SLC4A3: variants seen among roughly 807,000 people sequenced by gnomAD.
SLC4A3 encodes the protein anion exchange protein 3.
A neutral mutation model predicts 114.2 loss-of-function variants in SLC4A3; 47 were observed. The observed-to-expected ratio is 0.41, with a 90% CI of 0.33 to 0.52. The LOEUF (loss-of-function observed/expected upper bound fraction) is 0.52. Among genes scored for constraint, SLC4A3 ranks in the 20% least tolerant of loss-of-function variants. The pLI is 0.21. For synonymous variants in SLC4A3, 693 were observed against 710.3 expected, an observed-to-expected ratio of 0.98 and a Z score of 0.39; for missense variants, 1,312 against 1,668.3, an observed-to-expected ratio of 0.79 and a Z score of 3.72.
chr2:219,640,607 C>CG lies in SLC4A3; in HGVS notation c.3447+11dup. 1.9e-6 allele frequency: 3 copies of CG among 1,612,948 alleles called. No individual in the cohort carries two copies. Among genetic ancestry groups the CG allele is most frequent in the Non-Finnish European group, 1.7e-6 (2 of 1,179,332 alleles). On this transcript the variant is annotated intron_variant, in intron 21 of 22. Transcript: ENST00000358055. ...CAGCCCTATGTGACCAAGGTAGGGC[C>CG]GGGAAGCATGGGGGTAGGGCAGTGG... is the stretch of plus-strand genomic sequence containing the variant.
In SLC4A3 at chr2:219,629,159, C is replaced by T. The variant is rs1431754442; in HGVS notation, c.233C>T (p.Ser78Phe). ...ERDFEFHRHTSHHTHHPLSAR... is the reference protein window; with the variant it reads ...ERDFEFHRHTFHHTHHPLSAR... ...GCACCCCCAGTTCACCGGCACACATCCCACCACACCCACCACCCGCTCTCA... is the reference window on the plus strand; with the variant it reads ...GCACCCCCAGTTCACCGGCACACATTCCACCACACCCACCACCCGCTCTCA... Residue 78 changes from serine (S) to phenylalanine (F), a missense_variant, in exon 4 of 23, where the codon TCC becomes TTC. This residue lies in a region of SLC4A3 where 236 missense variants were observed against 212.1 expected (regional missense o/e 1.11). Coordinates refer to ENST00000358055, the MANE Select transcript of SLC4A3 (RefSeq NM_005070.4). The T allele has an allele frequency of 1.3e-6, 2 of 1,598,100 alleles. No individual in the cohort carries two copies. The highest frequency in any genetic ancestry group is 3.4e-5 in the Admixed American group (2 of 58,326).
chr2:219,628,677 CGGACACTGTGCT>C lies in SLC4A3; in HGVS notation c.217+112_217+123del. 8.7e-7 allele frequency: 1 copy of C among 1,153,034 alleles called. No homozygotes were observed. The highest frequency in any genetic ancestry group is 2.5e-5 in the East Asian group (1 of 39,694). The allele number at this position is 1,153,034 out of a possible 1,614,324, so 71.4% of individuals were successfully genotyped here. On this transcript the variant is annotated intron_variant, in intron 3 of 22. Coordinates refer to ENST00000358055, the MANE Select transcript of SLC4A3 (RefSeq NM_005070.4). The surrounding 1 kb of genome is among the most constrained non-coding windows in gnomAD (Gnocchi z 4.8). ...TTGGTCACCCAGTGCCATCCTGTGC[CGGACACTGTGCT>C]GGACTCTGTGCTGGGCCACATGCCG...
In SLC4A3 at chr2:219,632,364, AC is replaced by A; in HGVS notation, c.1064del (p.Thr355ArgfsTer49). ...GTTTGAGGAGGACGTGGAGGAGGAG[AC>A]GGAGCGCTGGGGGAAGCCCCATGTT... The part of the protein sequence containing the change: ...IKFEEDVEEE[T>X]ERWGKPHVAS... On this transcript the variant is annotated frameshift_variant, in exon 8 of 23. Coordinates refer to ENST00000358055, the MANE Select transcript of SLC4A3 (RefSeq NM_005070.4). LOFTEE classifies it high-confidence loss of function. 6.2e-7 allele frequency: 1 copy of A among 1,613,996 alleles called. No homozygotes were observed.
chr2:219,630,779 G>C lies in SLC4A3; in HGVS notation c.811+427G>C, dbSNP rs1010072929. ...CCTTCACTCCCATCCCACTACCCTT[G>C]GGGGGGGCCTGGCTGTGATCTCGGC... On this transcript the variant is annotated intron_variant, in intron 6 of 22. Coordinates refer to ENST00000358055, the MANE Select transcript of SLC4A3 (RefSeq NM_005070.4). The surrounding 1 kb of genome is among the most constrained non-coding windows in gnomAD (Gnocchi z 6.9). Among the ~76,000 whole-genome samples, 1 of 151,568 alleles carries C rather than the reference G, an allele frequency of 6.6e-6. No homozygotes were observed. The highest frequency in any genetic ancestry group is 1.5e-5 in the Non-Finnish European group (1 of 67,836).
Position 219,641,620 on chromosome 2 carries a change from T to G in SLC4A3, c.3622-31T>G, listed in dbSNP as rs376977238. 1.9e-6 allele frequency: 3 copies of G among 1,584,596 alleles called. No individual in the cohort carries two copies. The highest frequency in any genetic ancestry group is 2.7e-5 in the African/African-American group (2 of 74,372). ...ATGGGAGGGGACGAGCATGCTTCCCTGCCTTCCCCAACCTTCTGTTCCCTC... is the reference window on the plus strand; with the variant it reads ...ATGGGAGGGGACGAGCATGCTTCCCGGCCTTCCCCAACCTTCTGTTCCCTC... On this transcript the variant is annotated intron_variant, in intron 22 of 22. Coordinates refer to ENST00000358055, the MANE Select transcript of SLC4A3 (RefSeq NM_005070.4). The surrounding 1 kb of genome is among the most constrained non-coding windows in gnomAD (Gnocchi z 4.0).
rs1173723554 is a variant in SLC4A3 at position 219,631,211 on chromosome 2, G to C, written c.812-757G>C. On this transcript the variant is annotated intron_variant, in intron 6 of 22. Transcript: ENST00000358055. This position sits in a 1 kb window ranked among gnomAD's most constrained non-coding sequence, Gnocchi z 6.3. ...AGAGCCGAGGGGTCTGGTAGGGAGC[G>C]GAGGCCGAGGTCTCGGCCACCGGGA... The C allele has an allele frequency of 1.6e-6, 2 of 1,228,872 alleles. No homozygotes were observed. Among genetic ancestry groups the C allele is most frequent in the African/African-American group, 3.1e-5 (2 of 63,834 alleles). The allele number at this position is 1,228,872 out of a possible 1,614,324, so 76.1% of individuals were successfully genotyped here.
chr2:219,632,937 C>A lies in SLC4A3; in HGVS notation c.1205C>A (p.Thr402Asn). The stretch of plus-strand genomic sequence containing the variant: ...GGCATTGCACACCTCGTGGTGGAGA[C>A]CATGATTGTGTCTGACCAGATCCGG... Reference protein sequence around the residue: ...LPGIAHLVVETMIVSDQIRPE... With the variant: ...LPGIAHLVVENMIVSDQIRPE... The change falls in exon 9 of 23, where the codon ACC (threonine) becomes AAC (asparagine). Residue 402 changes from threonine to asparagine, a missense_variant. This residue lies in a region of SLC4A3 where 771 missense variants were observed against 977.7 expected (regional missense o/e 0.79). Transcript: ENST00000358055. The A allele has an allele frequency of 6.8e-6, 11 of 1,614,142 alleles. No homozygotes were observed. Among genetic ancestry groups the A allele is most frequent in the Non-Finnish European group, 9.3e-6 (11 of 1,180,024 alleles).
chr2:219,633,141 A>G, intron 9 of SLC4A3, 132 bp downstream of exon 9: 2 of 1,389,738 alleles, frequency 1.4e-6, no homozygotes, highest in Non-Finnish European at 2.0e-6. Context: ...ATCTTTTGAC[A>G]CTTTCAATCA....
At position 219,627,779 on chromosome 2, in the gene SLC4A3, G is replaced by T. The variant is rs1213457153; in HGVS notation, c.-94+34G>T. Reference sequence around the variant, plus strand: ...GGGCGGGGCACGCCGGGCAGGGCGGGGGACCCGGGCTGTCCCGGGCGTGGC... The same window carrying T: ...GGGCGGGGCACGCCGGGCAGGGCGGTGGACCCGGGCTGTCCCGGGCGTGGC... On this transcript the variant is annotated intron_variant, in intron 1 of 22. Transcript: ENST00000358055. The T allele has an allele frequency of 1.3e-5, 5 of 379,712 alleles. No individual in the cohort carries two copies. In the East Asian group the frequency reaches 1.6e-4, roughly 12 times the overall value. The allele number at this position is 379,712 out of a possible 1,614,324, so 23.5% of individuals were successfully genotyped here. A position where few individuals can be genotyped will look rare whatever the true frequency, so the allele number is the denominator to read the frequency against.
In SLC4A3 at chr2:219,631,203, TAGGG is replaced by T; in HGVS notation, c.812-762_812-759del. 1 of 1,219,686 alleles carries T rather than the reference TAGGG, an allele frequency of 8.2e-7. No individual in the cohort carries two copies. The highest frequency in any genetic ancestry group is 1.1e-6 in the Non-Finnish European group (1 of 944,866). 75.6% of individuals were successfully genotyped at this position (1,219,686 alleles called of 1,614,324 possible). A position where few individuals can be genotyped will look rare whatever the true frequency, so the allele number is the denominator to read the frequency against. On this transcript the variant is annotated intron_variant, in intron 6 of 22. Transcript: ENST00000358055. The surrounding 1 kb of genome is among the most constrained non-coding windows in gnomAD (Gnocchi z 6.3). ...CTTGTAGGAGAGCCGAGGGGTCTGG[TAGGG>T]AGCGGAGGCCGAGGTCTCGGCCACC... is the stretch of plus-strand genomic sequence containing the variant.
In SLC4A3 at chr2:219,639,013, A is replaced by T; in HGVS notation, c.3023+144A>T. On this transcript the variant is annotated intron_variant, in intron 19 of 22. Coordinates refer to ENST00000358055, the MANE Select transcript of SLC4A3 (RefSeq NM_005070.4). The surrounding 1 kb of genome is among the most constrained non-coding windows in gnomAD (Gnocchi z 5.9). The stretch of plus-strand genomic sequence containing the variant: ...GCTGGTGGCAATCCTTGAGGAAGAG[A>T]GTGTGTGTGGAGGAGCTGGCAGGGG... 1 of 929,952 alleles carries T rather than the reference A, an allele frequency of 1.1e-6. No individual in the cohort carries two copies. The highest frequency in any genetic ancestry group is 2.0e-5 in the Admixed American group (1 of 49,130). 57.6% of individuals were successfully genotyped at this position (929,952 alleles called of 1,614,324 possible). A position where few individuals can be genotyped will look rare whatever the true frequency, so the allele number is the denominator to read the frequency against.
rs1559201994 is a variant in SLC4A3, at chr2:219,635,423, T to C, written c.1899T>C (p.Leu633=). ...TGGCTGCTTTCCAGCGAGAGCTGCTTAGGAAGCGGCGAGAGCGTGAACAGA... is the reference window on the plus strand; with the variant it reads ...TGGCTGCTTTCCAGCGAGAGCTGCTCAGGAAGCGGCGAGAGCGTGAACAGA... ...RSVAAFQREL[L]RKRREREQTK... is the part of the protein sequence containing the mutation. The change falls in exon 13 of 23, where the codon CTT becomes CTC. Residue 633 remains leucine, a synonymous_variant. Coordinates refer to ENST00000358055, the MANE Select transcript of SLC4A3 (RefSeq NM_005070.4). The C allele has an allele frequency of 1.2e-6, 2 of 1,614,062 alleles. No individual in the cohort carries two copies. The highest frequency in any genetic ancestry group is 8.5e-7 in the Non-Finnish European group (1 of 1,179,982).
At chr2:219,635,613 G>GC (rs1219902749) in intron 13 of SLC4A3, 60 bp from the exon 14 acceptor site, 1 of 1,494,624 alleles carries the variant, frequency 6.7e-7, no homozygotes, top group Non-Finnish European at 9.1e-7. Flanking sequence ...GATCCCAACA[G>GC]CCCGGGGCCT....
rs1167273064 is a variant in SLC4A3 at position 219,638,890 on chromosome 2, A to G, written c.3023+21A>G. The G allele has an allele frequency of 3.1e-6, 5 of 1,610,492 alleles. No individual in the cohort carries two copies. In the African/African-American group the frequency reaches 6.7e-5, roughly 22 times the overall value. On this transcript the variant is annotated intron_variant, in intron 19 of 22. Transcript: ENST00000358055. The surrounding 1 kb of genome is among the most constrained non-coding windows in gnomAD (Gnocchi z 7.5). ...ACGGCGTGAGAGAGATGGGAGGAGG[A>G]GGTGGGAGGGACGAGGCCAAGCTCC...
In SLC4A3 at chr2:219,630,962, C is replaced by A. The variant is rs1045262780; in HGVS notation, c.811+610C>A. 4.7e-6 allele frequency: 1 copy of A among 212,910 alleles called. No individual in the cohort carries two copies. The highest frequency in any genetic ancestry group is 8.0e-6 in the Non-Finnish European group (1 of 124,466). The allele number at this position is 212,910 out of a possible 1,614,324, so 13.2% of individuals were successfully genotyped here. A position where few individuals can be genotyped will look rare whatever the true frequency, so the allele number is the denominator to read the frequency against. Reference sequence around the variant, plus strand: ...GAAGGGTAGGGCTTTGAGCTCAATACGTCATGGAAAGTTGCCAGGGCCTGA... The same window carrying A: ...GAAGGGTAGGGCTTTGAGCTCAATAAGTCATGGAAAGTTGCCAGGGCCTGA... On this transcript the variant is annotated intron_variant, in intron 6 of 22. Transcript: ENST00000358055. The surrounding 1 kb of genome is among the most constrained non-coding windows in gnomAD (Gnocchi z 6.9).
At position 219,636,287 on chromosome 2, in the gene SLC4A3, C is replaced by G; in HGVS notation, c.2192-15C>G. The G allele has an allele frequency of 6.2e-7, 1 of 1,613,038 alleles. No homozygotes were observed. The highest frequency in any genetic ancestry group is 8.5e-7 in the Non-Finnish European group (1 of 1,179,832). On this transcript the variant is annotated splice_polypyrimidine_tract_variant and intron_variant, in intron 14 of 22. Coordinates refer to ENST00000358055, the MANE Select transcript of SLC4A3 (RefSeq NM_005070.4). This position sits in a 1 kb window ranked among gnomAD's most constrained non-coding sequence, Gnocchi z 5.5. ...ACAGAGCCAGGCTAGGGCCATCCTA[C>G]CCGTGCTATGGCAGGAGAGAAGACC...
chr2:219,638,801 G>A lies in SLC4A3; in HGVS notation c.2955G>A (p.Met985Ile). The A allele has an allele frequency of 1.2e-6, 2 of 1,614,222 alleles. No individual in the cohort carries two copies. The highest frequency in any genetic ancestry group is 1.7e-6 in the Non-Finnish European group (2 of 1,180,046). ...GTGCCCGTCCTTTCCCGCCGTGGAT[G>A]ATGGTGGCAGCCGCTGTTCCCGCCC... ...LGSARPFPPW[M>I]MVAAAVPALL... Residue 985 changes from methionine (M) to isoleucine (I), a missense_variant, in exon 19 of 23, where the codon ATG becomes ATA. Met to Ile is a conservative substitution (Grantham distance 10). This residue lies in a region of SLC4A3 where 301 missense variants were observed against 460.7 expected (regional missense o/e 0.65). Coordinates refer to ENST00000358055, the MANE Select transcript of SLC4A3 (RefSeq NM_005070.4). This position sits in a 1 kb window ranked among gnomAD's most constrained non-coding sequence, Gnocchi z 7.5.
chr2:219,632,838 G>A, intron 8 of SLC4A3, 36 bp from the exon 9 acceptor site: 1 of 1,611,380 alleles, frequency 6.2e-7, no homozygotes, highest in Non-Finnish European at 8.5e-7. Flanking sequence ...CTGTCTGATG[G>A]GACTGTGCCC....
chr2:219,634,992 A>T (rs1699065713), intron 12 of SLC4A3, among the ~76,000 whole-genome samples: 1 of 152,154 alleles, frequency 6.6e-6, no homozygotes, highest in African/African-American at 2.4e-5. Context: ...TGGCTCTGGA[A>T]GCCCCTGCTC....
Sources: allele counts gnomAD v4.1 joint callset (sites outside exome capture counted in the v4.1 genomes callset), GRCh38; gene constraint gnomAD v4.1.1; regional missense constraint gnomAD v4.1.1; non-coding constraint Gnocchi (gnomAD v3.1); transcripts MANE v1.5; gene names NCBI Gene and HGNC (gene_info 2026-07-23, HGNC 2026-07-21).